AGAP1: variants seen among roughly 807,000 people sequenced by gnomAD.
AGAP1 encodes the protein ArfGAP with GTPase domain, ankyrin repeat and PH domain 1.
A neutral mutation model predicts 105.3 loss-of-function variants in AGAP1; 29 were observed. The ratio of observed to expected loss-of-function variants is 0.28; its 90% CI spans 0.21 to 0.38. The LOEUF is 0.38. Among genes scored for constraint, AGAP1 ranks in the 10% least tolerant of loss-of-function variants. The probability of loss-of-function intolerance (pLI) is 1.00; values close to 1 mark genes in which losing one functional copy is unlikely to be tolerated. For missense variants in AGAP1, 998 were observed against 1,165.1 expected (o/e 0.86, Z 2.09); for synonymous variants, 509 against 485.9 (o/e 1.05, Z -0.63).
At chr2:236,041,053 A>T (rs77017969) in intron 15 of AGAP1, among the ~76,000 whole-genome samples, 3,319 of 152,240 alleles carry the variant, frequency 0.022, 122 homozygotes, top group African/African-American at 0.075. Context: ...CGTTTCTGTG[A>T]GTCTTTCCTT....
At chr2:235,941,049 A>G (rs11674213) in intron 12 of AGAP1, among the ~76,000 whole-genome samples, 18,552 of 152,216 alleles carry the variant, frequency 0.12, 3,085 homozygotes, top group African/African-American at 0.38. Flanking sequence ...CTGAATTTTT[A>G]AGTATCTTAA....
At chr2:235,941,079 G>C (rs1385617745) in intron 12 of AGAP1, among the ~76,000 whole-genome samples, 4 of 152,180 alleles carry the variant, frequency 2.6e-5, no homozygotes. Flanking sequence ...TATTGCTTTA[G>C]AAACTGGTTC....
chr2:235,510,114 C>T lies in AGAP1; in HGVS notation c.163+15265C>T, dbSNP rs561339565. 2.1e-3 allele frequency among the ~76,000 whole-genome samples: 325 copies of T among 152,278 alleles called. 1 individual carries two copies. Among genetic ancestry groups the T allele is most frequent in the African/African-American group, 7.4e-3 (307 of 41,542 alleles). On this transcript the variant is annotated intron_variant, in intron 1 of 17. Coordinates refer to ENST00000304032, the MANE Select transcript of AGAP1 (RefSeq NM_001037131.3). ...AAGCTCAGGGCTCCCACTGATTCTA[C>T]GTTATGGTGAGTTGTAGAATTTTTT... is the stretch of plus-strand genomic sequence containing the variant.
At chr2:236,032,360 A>T (rs560350683) in intron 13 of AGAP1, among the ~76,000 whole-genome samples, 1 of 152,308 alleles carries the variant, frequency 6.6e-6, no homozygotes, top group South Asian at 2.1e-4. Flanking sequence ...ATTCACCCTG[A>T]TAAAAGCCTT....
chr2:235,887,272 A>G lies in AGAP1; in HGVS notation c.1155+3823A>G, dbSNP rs557878936. Among the ~76,000 whole-genome samples, 1 of 152,148 alleles carries G rather than the reference A, an allele frequency of 6.6e-6. No homozygotes were observed. The highest frequency in any genetic ancestry group is 2.4e-5 in the African/African-American group (1 of 41,500). Reference sequence around the variant, plus strand: ...GTGGTCAAGTGTTGGGAAAGCTGCCAGGATTGCTGGTGTTTGGGTTTCAGA... The same window carrying G: ...GTGGTCAAGTGTTGGGAAAGCTGCCGGGATTGCTGGTGTTTGGGTTTCAGA... On this transcript the variant is annotated intron_variant, in intron 10 of 17. Transcript: ENST00000304032. This position sits in a 1 kb window ranked among gnomAD's most constrained non-coding sequence, Gnocchi z 4.1.
intron 1 of AGAP1, among the ~76,000 whole-genome samples, chr2:235,528,316 C>G (rs972303177): frequency 2.0e-5 from 3 of 151,986 alleles, no homozygotes; most frequent in African/African-American, 7.3e-5. Flanking sequence ...CCCCAGCAAG[C>G]CCGGCTCCAT....
chr2:235,712,528 A>T lies in AGAP1; in HGVS notation c.222+3291A>T, dbSNP rs1950905266. Among the ~76,000 whole-genome samples the T allele has an allele frequency of 6.6e-6, 1 of 152,218 alleles. No homozygotes were observed. The highest frequency in any genetic ancestry group is 2.4e-5 in the African/African-American group (1 of 41,450). On this transcript the variant is annotated intron_variant, in intron 2 of 17. Transcript: ENST00000304032. This position sits in a 1 kb window ranked among gnomAD's most constrained non-coding sequence, Gnocchi z 6.0. ...CCTCACATCCTATTTGTGTGTTTTC[A>T]TTGAACTCCAACTGGAATTTTTACT...
rs553076812 is a variant in AGAP1, at chr2:235,845,556, ACCTTTCCTTCCAGTTATT to A, written c.1051-37762_1051-37745del. Reference sequence around the variant, plus strand: ...CGACAGCCCAGCCGGTCGACAGCAGACCTTTCCTTCCAGTTATTCCTTTCCTTCCAGTTATTCCTTTCC... The same window carrying A: ...CGACAGCCCAGCCGGTCGACAGCAGACCTTTCCTTCCAGTTATTCCTTTCC... On this transcript the variant is annotated intron_variant, in intron 9 of 17. Coordinates refer to ENST00000304032, the MANE Select transcript of AGAP1 (RefSeq NM_001037131.3). This position sits in a 1 kb window ranked among gnomAD's most constrained non-coding sequence, Gnocchi z 4.8. Among the ~76,000 whole-genome samples the A allele has an allele frequency of 3.6e-4, 54 of 151,838 alleles. No homozygotes were observed. The highest frequency in any genetic ancestry group is 9.7e-4 in the African/African-American group (40 of 41,410).
chr2:235,514,274 A>C (rs921361913), intron 1 of AGAP1, among the ~76,000 whole-genome samples: 5 of 152,260 alleles, frequency 3.3e-5, no homozygotes, highest in African/African-American at 1.2e-4. Context: ...ATTTACCCAG[A>C]CCTCAACCTG....
intron 1 of AGAP1, among the ~76,000 whole-genome samples, chr2:235,695,252 A>G (rs1162253371): frequency 2.6e-5 from 4 of 152,194 alleles, no homozygotes; most frequent in Non-Finnish European, 4.4e-5. Flanking sequence ...AATAGCTCTT[A>G]GAGGTGTAGA....
At position 235,578,661 on chromosome 2, in the gene AGAP1, T is replaced by A. The variant is rs1233686231; in HGVS notation, c.163+83812T>A. ...TTAGCTGGATGTGGTGGTGTGCACC[T>A]GTAATCCCAGCTACTTGGGAGGCTG... On this transcript the variant is annotated intron_variant, in intron 1 of 17. Coordinates refer to ENST00000304032, the MANE Select transcript of AGAP1 (RefSeq NM_001037131.3). This position sits in a 1 kb window ranked among gnomAD's most constrained non-coding sequence, Gnocchi z 4.9. Among the ~76,000 whole-genome samples, 2 of 151,926 alleles carry A rather than the reference T, an allele frequency of 1.3e-5. No homozygotes were observed. Among genetic ancestry groups the A allele is most frequent in the Non-Finnish European group, 2.9e-5 (2 of 68,018 alleles).
At position 235,596,732 on chromosome 2, in the gene AGAP1, C is replaced by T. The variant is rs1945537825; in HGVS notation, c.163+101883C>T. Among the ~76,000 whole-genome samples, 1 of 152,196 alleles carries T rather than the reference C, an allele frequency of 6.6e-6. No homozygotes were observed. The highest frequency in any genetic ancestry group is 1.5e-5 in the Non-Finnish European group (1 of 68,040). ...CAGCTTTCACTCTTCCTCTCTTGTG[C>T]CCCAGTCCTAGTGATGAGAAAAGCA... On this transcript the variant is annotated intron_variant, in intron 1 of 17. Coordinates refer to ENST00000304032, the MANE Select transcript of AGAP1 (RefSeq NM_001037131.3). This position sits in a 1 kb window ranked among gnomAD's most constrained non-coding sequence, Gnocchi z 5.9.
rs576591659 is a variant in AGAP1, at chr2:235,501,011, G to C, written c.163+6162G>C. Among the ~76,000 whole-genome samples, 33 of 152,272 alleles carry C rather than the reference G, an allele frequency of 2.2e-4. 1 individual carries two copies. The South Asian group carries it at 6.8e-3, about 32-fold the overall frequency. On this transcript the variant is annotated intron_variant, in intron 1 of 17. Coordinates refer to ENST00000304032, the MANE Select transcript of AGAP1 (RefSeq NM_001037131.3). Reference sequence around the variant, plus strand: ...ACCAATCAAAGAGCCTCAATACCCTGTATGGCCTGCTTTCCATGGGACAGG... The same window carrying C: ...ACCAATCAAAGAGCCTCAATACCCTCTATGGCCTGCTTTCCATGGGACAGG...
chr2:236,066,472 C>T (rs914845289), intron 16 of AGAP1, among the ~76,000 whole-genome samples: 2 of 152,130 alleles, frequency 1.3e-5, no homozygotes, highest in East Asian at 3.9e-4. Flanking sequence ...TTGATCCACC[C>T]GCGTCGGCCT....
At chr2:235,675,090 A>G (rs1336992284) in intron 1 of AGAP1, among the ~76,000 whole-genome samples, 6 of 152,078 alleles carry the variant, frequency 3.9e-5, no homozygotes, top group Non-Finnish European at 8.8e-5. Flanking sequence ...CAGCAATTAA[A>G]TGAAATAAAA....
Position 236,102,360 on chromosome 2 carries a change from T to G in AGAP1, c.2115-17832T>G, listed in dbSNP as rs1475020055. 1.8e-3 allele frequency among the ~76,000 whole-genome samples: 268 copies of G among 148,946 alleles called. 4 individuals carry two copies. The highest frequency in any genetic ancestry group is 5.3e-4 in the Non-Finnish European group (36 of 67,512). On this transcript the variant is annotated intron_variant, in intron 16 of 17. Transcript: ENST00000304032. Reference sequence around the variant, plus strand: ...GTGAACCCGGGAGGCAGAGCTTGCATTGAGGCGAGATCATGCCACTGCACT... The same window carrying G: ...GTGAACCCGGGAGGCAGAGCTTGCAGTGAGGCGAGATCATGCCACTGCACT...
chr2:235,892,641 A>G (rs1459514206), intron 10 of AGAP1, among the ~76,000 whole-genome samples: 5 of 152,064 alleles, frequency 3.3e-5, no homozygotes, highest in African/African-American at 9.7e-5. Context: ...CAGTGCCTGT[A>G]ACTGCCTTTG....
intron 1 of AGAP1, among the ~76,000 whole-genome samples, chr2:235,687,404 G>A (rs1303520692): frequency 6.6e-6 from 1 of 152,148 alleles, no homozygotes; most frequent in East Asian, 1.9e-4. Context: ...TCATATGTAG[G>A]AATGTCATCC....
chr2:235,707,397 G>A (rs780851669), intron 1 of AGAP1, among the ~76,000 whole-genome samples: 8 of 150,174 alleles, frequency 5.3e-5, no homozygotes, highest in Non-Finnish European at 1.2e-4. Flanking sequence ...TGTCTCACTC[G>A]GCATCGGGAG....
Sources: gnomAD v4.1 joint callset for allele counts (sites outside exome capture counted in the v4.1 genomes callset) on GRCh38, gnomAD v4.1.1 for gene constraint, Gnocchi (gnomAD v3.1) non-coding constraint, MANE v1.5 for transcripts, NCBI Gene and HGNC (gene_info 2026-07-23, HGNC 2026-07-21) for gene names.